BIRC6: variants seen among roughly 807,000 people sequenced by gnomAD.
BIRC6 encodes the protein baculoviral IAP repeat containing 6.
A neutral mutation model predicts 503.3 loss-of-function variants in BIRC6; 98 were observed. The observed-to-expected ratio is 0.19, with a 90% CI of 0.17 to 0.23. The LOEUF (loss-of-function observed/expected upper bound fraction) is 0.23, where lower values mean the gene tolerates loss of function less well. Among genes scored for constraint, BIRC6 ranks in the 10% least tolerant of loss-of-function variants. BIRC6 has a pLI of 1.00. For synonymous variants in BIRC6, 2,240 were observed against 2,078.7 expected (o/e 1.08, Z -2.11); for missense variants, 5,360 against 5,806.0 (o/e 0.92, Z 2.50).
chr2:32,427,080 A>G (rs916440031), intron 10 of BIRC6, among the ~76,000 whole-genome samples: 1 of 152,018 alleles, frequency 6.6e-6, no homozygotes, highest in African/African-American at 2.4e-5. Flanking sequence ...AAGAGCTTAT[A>G]TATATATGTG....
chr2:32,395,614 G>A, intron 6 of BIRC6, 21 bp downstream of exon 6: 1 of 1,558,948 alleles, frequency 6.4e-7, no homozygotes, highest in Non-Finnish European at 8.8e-7. Flanking sequence ...ATGTTTCTGG[G>A]CATAATAGGC....
chr2:32,558,602 G>A (rs142057562), intron 65 of BIRC6: 1 of 152,068 alleles, frequency 6.6e-6, no homozygotes, highest in African/African-American at 2.4e-5. Context: ...TAAAATAATG[G>A]AGTTACTAAA....
At chr2:32,420,712 C>T (rs1239401876) in intron 10 of BIRC6, among the ~76,000 whole-genome samples, 2 of 151,708 alleles carry the variant, frequency 1.3e-5, no homozygotes, top group African/African-American at 4.8e-5. Flanking sequence ...AGGTTTTACT[C>T]TGTTGGCTAG....
chr2:32,472,852 ATAGC>A (rs900440586), intron 32 of BIRC6: 1 of 273,458 alleles, frequency 3.7e-6, no homozygotes, highest in African/African-American at 2.2e-5. Flanking sequence ...GCGGAGGAAA[ATAGC>A]TATTATCTAA....
intron 59 of BIRC6, chr2:32,526,573 C>G (rs770500976): frequency 1.3e-5 from 2 of 152,470 alleles, no homozygotes; most frequent in Non-Finnish European, 2.9e-5. Context: ...CATACATGAC[C>G]TGAACAAACA....
At chr2:32,558,964 A>G (rs1184501468) in intron 65 of BIRC6, 1 of 152,100 alleles carries the variant, frequency 6.6e-6, no homozygotes, top group Non-Finnish European at 1.5e-5. Flanking sequence ...CCAAAATGCT[A>G]ATGTTTATGG....
At chr2:32,470,464 A>G (rs56347254) in intron 31 of BIRC6, among the ~76,000 whole-genome samples, 163 bp downstream of exon 31, 9,181 of 152,170 alleles carry the variant, frequency 0.06, 442 homozygotes, top group Admixed American at 0.14. Context: ...ATTGACTGCC[A>G]TATAGTTAAT....
chr2:32,551,896 G>T (rs1251660704), intron 65 of BIRC6, among the ~76,000 whole-genome samples: 2 of 152,104 alleles, frequency 1.3e-5, no homozygotes, highest in Admixed American at 6.5e-5. Flanking sequence ...AGATTGGTTT[G>T]TAAGTGTGAG....
Position 32,478,644 on chromosome 2 carries a change from C to A in BIRC6, c.7078C>A (p.Arg2360Ser), listed in dbSNP as rs141516283. The A allele has an allele frequency of 1.1e-5, 18 of 1,610,146 alleles. No homozygotes were observed. The highest frequency in any genetic ancestry group is 1.4e-5 in the Non-Finnish European group (16 of 1,178,764). ...LLLFVCKVLA[R>S]IANATRPTIH... ...ATAAAATGTATTACAGGTTCTTGCA[C>A]GCATTGCAAATGCCACGAGGCCAAC... Residue 2360 changes from arginine (R) to serine (S), a missense_variant, in exon 36 of 74, where the codon CGC becomes AGC. Coordinates refer to ENST00000421745, the MANE Select transcript of BIRC6 (RefSeq NM_016252.4).
Position 32,435,482 on chromosome 2 carries a change from T to A in BIRC6, c.3410-14T>A, listed in dbSNP as rs1377831234. ...CAGCAGTAGATAGGCAGATCACCTT[T>A]CCTTTGTCTCCAGCTCTTAACATTG... On this transcript the variant is annotated splice_polypyrimidine_tract_variant and intron_variant, in intron 13 of 73. Coordinates refer to ENST00000421745, the MANE Select transcript of BIRC6 (RefSeq NM_016252.4). 6.5e-7 allele frequency: 1 copy of A among 1,547,326 alleles called. No individual in the cohort carries two copies. The highest frequency in any genetic ancestry group is 8.7e-7 in the Non-Finnish European group (1 of 1,145,794).
intron 3 of BIRC6, among the ~76,000 whole-genome samples, chr2:32,384,796 C>G (rs1301758557): frequency 6.6e-6 from 1 of 152,200 alleles, no homozygotes; most frequent in Non-Finnish European, 1.5e-5. Context: ...TGAGCAAGCA[C>G]TGGAGTGCCC....
chr2:32,486,401 C>T (rs1388917167), intron 40 of BIRC6, among the ~76,000 whole-genome samples: 2 of 152,158 alleles, frequency 1.3e-5, no homozygotes, highest in Non-Finnish European at 2.9e-5. Flanking sequence ...AAACAGGTAG[C>T]CTGCCAGAGC....
At chr2:32,585,651 A>G (rs2060976374) in intron 66 of BIRC6, among the ~76,000 whole-genome samples, 5 of 152,178 alleles carry the variant, frequency 3.3e-5, no homozygotes. Context: ...AAGTGCTGGG[A>G]TTACAGGTGT....
chr2:32,511,015 G>A (rs1211932991), intron 53 of BIRC6, among the ~76,000 whole-genome samples: 1 of 152,086 alleles, frequency 6.6e-6, no homozygotes, highest in East Asian at 1.9e-4. Flanking sequence ...TATTGTGTCT[G>A]TAGTTGGTAC....
intron 23 of BIRC6, 133 bp downstream of exon 23, chr2:32,454,075 G>T: frequency 1.4e-6 from 1 of 721,090 alleles, no homozygotes; most frequent in East Asian, 3.1e-5. Context: ...TGTGGGAGGG[G>T]CATTTGGGGG....
At chr2:32,512,448 A>G (rs180935380) in intron 53 of BIRC6, among the ~76,000 whole-genome samples, 1 of 152,334 alleles carries the variant, frequency 6.6e-6, no homozygotes, top group Admixed American at 6.5e-5. Context: ...GTTAGTTCTA[A>G]ATGACAGATA....
At chr2:32,484,186 A>G (rs1201366493) in intron 39 of BIRC6, among the ~76,000 whole-genome samples, 4 of 152,112 alleles carry the variant, frequency 2.6e-5, no homozygotes, top group African/African-American at 7.2e-5. Context: ...TGCTGTAAAA[A>G]GTTTTTTGGG....
At chr2:32,500,594 G>T (rs796454994) in intron 46 of BIRC6, among the ~76,000 whole-genome samples, 39 of 110,122 alleles carry the variant, frequency 3.5e-4, no homozygotes, top group Non-Finnish European at 5.5e-4. Context: ...CTAGTTTTTT[G>T]TTTTTGTTTT....
chr2:32,421,545 T>C (rs1156340901), intron 10 of BIRC6, among the ~76,000 whole-genome samples: 1 of 152,230 alleles, frequency 6.6e-6, no homozygotes. Context: ...TTTTTTTCAT[T>C]TGGATCAAAA....
Sources: allele counts gnomAD v4.1 joint callset (sites outside exome capture counted in the v4.1 genomes callset), GRCh38; gene constraint gnomAD v4.1.1; transcripts MANE v1.5; gene names NCBI Gene and HGNC (gene_info 2026-07-23, HGNC 2026-07-21).